Variants in NAALADL2 observed in about 807,000 individuals in gnomAD.
NAALADL2 encodes inactive N-acetylated-alpha-linked acidic dipeptidase-like protein 2.
A neutral mutation model predicts 87.2 loss-of-function variants in NAALADL2; 76 were observed. That is an observed-to-expected ratio of 0.87 (90% CI 0.72 to 1.05). The LOEUF (loss-of-function observed/expected upper bound fraction) is 1.05, where lower values mean the gene tolerates loss of function less well. NAALADL2 is among the 50% of genes least tolerant of loss of function. The pLI is 0.00. For synonymous variants in NAALADL2, 354 were observed against 331.0 expected (o/e 1.07, Z -0.75); for missense variants, 1,089 against 945.8 (o/e 1.15, Z -1.99).
chr3:175,328,051 G>A (rs539869232), intron 5 of NAALADL2, among the ~76,000 whole-genome samples: 3 of 152,156 alleles, frequency 2.0e-5, no homozygotes, highest in Non-Finnish European at 4.4e-5. Flanking sequence ...TTACTTCAAG[G>A]AGGATTTGAA....
intron 1 of NAALADL2, among the ~76,000 whole-genome samples, chr3:174,961,472 G>T (rs146149026): frequency 2.0e-5 from 3 of 152,010 alleles, no homozygotes; most frequent in African/African-American, 7.2e-5. Context: ...GATGGGGAAC[G>T]TGTATTTTTC....
chr3:175,334,759 T>C (rs762667690), intron 5 of NAALADL2, among the ~76,000 whole-genome samples: 4 of 152,178 alleles, frequency 2.6e-5, no homozygotes, highest in Non-Finnish European at 4.4e-5. Flanking sequence ...GTTTTATTAA[T>C]GATCAATACC....
At chr3:175,353,963 T>G (rs568669429) in intron 5 of NAALADL2, among the ~76,000 whole-genome samples, 3 of 152,210 alleles carry the variant, frequency 2.0e-5, no homozygotes, top group Admixed American at 6.6e-5. Flanking sequence ...ACACATTTGT[T>G]GTTTGTATAC....
At chr3:175,785,157 G>A (rs1342494084) in intron 13 of NAALADL2, among the ~76,000 whole-genome samples, 1 of 150,396 alleles carries the variant, frequency 6.6e-6, no homozygotes, top group Non-Finnish European at 1.5e-5. Context: ...GTGTGGTGTG[G>A]TGCTGTAAAA....
intron 9 of NAALADL2, among the ~76,000 whole-genome samples, chr3:175,481,365 G>GTA (rs1396869572): frequency 6.1e-5 from 9 of 147,350 alleles, no homozygotes; most frequent in African/African-American, 1.3e-4. Flanking sequence ...GTGTGTGTGT[G>GTA]TATATAGCTG....
At chr3:175,132,145 C>T in intron 2 of NAALADL2, among the ~76,000 whole-genome samples, 1 of 129,822 alleles carries the variant, frequency 7.7e-6, no homozygotes. Flanking sequence ...GCTGACCCCC[C>T]CACCTCCCTC....
chr3:174,583,614 T>A (rs1490667466), intron 2 of NAALADL2, among the ~76,000 whole-genome samples: 3 of 152,186 alleles, frequency 2.0e-5, no homozygotes, highest in Non-Finnish European at 4.4e-5. Context: ...ATTGCCATAA[T>A]AGAGGCATTA....
At chr3:174,631,025 A>T (rs1444164965) in intron 2 of NAALADL2, among the ~76,000 whole-genome samples, 1 of 152,168 alleles carries the variant, frequency 6.6e-6, no homozygotes, top group Non-Finnish European at 1.5e-5. Flanking sequence ...CTTTTGTGTG[A>T]CTAGTAAAGT....
intron 1 of NAALADL2, among the ~76,000 whole-genome samples, chr3:175,057,249 C>T (rs1384541194): frequency 2.6e-5 from 4 of 152,084 alleles, no homozygotes; most frequent in Non-Finnish European, 5.9e-5. Context: ...GCTTTAATCA[C>T]GTTACCATTT....
chr3:175,588,886 C>T (rs1459149145), intron 10 of NAALADL2, among the ~76,000 whole-genome samples: 1 of 152,152 alleles, frequency 6.6e-6, no homozygotes, highest in African/African-American at 2.4e-5. Flanking sequence ...GATCAAACTA[C>T]GGGCAAGCTC....
intron 2 of NAALADL2, among the ~76,000 whole-genome samples, chr3:174,558,147 C>T (rs761613815): frequency 4.4e-4 from 67 of 152,278 alleles, no homozygotes; most frequent in Admixed American, 1.0e-3. Context: ...GGGAACACTT[C>T]TGATATCCAA....
intron 11 of NAALADL2, among the ~76,000 whole-genome samples, chr3:175,669,098 C>T (rs868699891): frequency 1.3e-5 from 2 of 152,038 alleles, no homozygotes; most frequent in African/African-American, 2.4e-5. Flanking sequence ...AGTACCAAAG[C>T]ATATCTATTG....
chr3:175,007,152 A>T (rs971622015), intron 1 of NAALADL2, among the ~76,000 whole-genome samples: 1,626 of 98,342 alleles, frequency 0.017, 43 homozygotes, highest in African/African-American at 0.094. Context: ...TTATAGGATA[A>T]AAAAAAAAAA....
At chr3:174,523,513 A>G (rs1209899023) in intron 1 of NAALADL2, 2 of 152,180 alleles carry the variant, frequency 1.3e-5, no homozygotes, top group Non-Finnish European at 2.9e-5. Context: ...CATCTCTTAC[A>G]CAAATGCATT....
intron 13 of NAALADL2, among the ~76,000 whole-genome samples, chr3:175,771,712 T>A (rs907952407): frequency 6.6e-6 from 1 of 152,160 alleles, no homozygotes; most frequent in Non-Finnish European, 1.5e-5. Flanking sequence ...TAGGGCTCAT[T>A]CACATAATAC....
chr3:175,598,670 A>G (rs527875139), intron 10 of NAALADL2, among the ~76,000 whole-genome samples: 3 of 151,932 alleles, frequency 2.0e-5, no homozygotes, highest in Non-Finnish European at 4.4e-5. Context: ...TTAAAGCACA[A>G]CTCCAGCTGC....
chr3:175,491,092 A>G (rs1029171515), intron 9 of NAALADL2, among the ~76,000 whole-genome samples: 1 of 151,202 alleles, frequency 6.6e-6, no homozygotes, highest in Non-Finnish European at 1.5e-5. Flanking sequence ...CTCTAAGAAC[A>G]TTCAATGGCT....
intron 3 of NAALADL2, among the ~76,000 whole-genome samples, chr3:174,751,059 T>C (rs1015335285): frequency 1.3e-5 from 2 of 152,136 alleles, no homozygotes; most frequent in Non-Finnish European, 2.9e-5. Context: ...TTAAATCTTA[T>C]TTATTTATTT....
rs1765387379 is a variant in NAALADL2 at position 175,364,867 on chromosome 3, A to T, written c.1090+40542A>T. Among the ~76,000 whole-genome samples the T allele has an allele frequency of 1.4e-5, 2 of 147,918 alleles. 1 individual carries two copies. Among genetic ancestry groups the T allele is most frequent in the Admixed American group, 1.4e-4 (2 of 14,438 alleles). On this transcript the variant is annotated intron_variant, in intron 5 of 13. Transcript: ENST00000454872. ...CAAGTTAGTCAGTGGAGGAAAGGAG[A>T]CATATCTTGGAAGAAGAGTCAAACT...
Sources: allele counts gnomAD v4.1 joint callset (sites outside exome capture counted in the v4.1 genomes callset), GRCh38; gene constraint gnomAD v4.1.1; transcripts MANE v1.5; gene names NCBI Gene and HGNC (gene_info 2026-07-23, HGNC 2026-07-21).